Variants in SFXN5 observed in about 807,000 individuals in gnomAD.
SFXN5 encodes the protein sideroflexin-5.
Under a neutral mutation model 50.2 loss-of-function variants are expected in SFXN5, and 43 were observed. The observed-to-expected ratio is 0.86, with a 90% confidence interval of 0.67 to 1.11. SFXN5 has a LOEUF of 1.11. SFXN5 is among the 50% of genes least tolerant of loss of function. SFXN5 has a pLI of 0.00. For synonymous variants in SFXN5, 203 were observed against 185.8 expected (o/e 1.09, Z -0.75); for missense variants, 463 against 454.1 (o/e 1.02, Z -0.18).
chr2:72,964,392 C>A (rs550924231), intron 12 of SFXN5, among the ~76,000 whole-genome samples: 12 of 152,372 alleles, frequency 7.9e-5, no homozygotes, highest in Non-Finnish European at 1.8e-4. Flanking sequence ...GGCACGGACC[C>A]TGCAAAGAGC....
intron 1 of SFXN5, among the ~76,000 whole-genome samples, chr2:73,061,286 C>T (rs1046020606): frequency 4.2e-5 from 6 of 142,776 alleles, no homozygotes; most frequent in African/African-American, 1.3e-4. Context: ...GCAGCCTAGG[C>T]GACAGAGCAA....
chr2:73,071,538 T>G (rs894677437), intron 1 of SFXN5, 66 bp downstream of exon 1: 778 of 1,479,238 alleles, frequency 5.3e-4, no homozygotes, highest in Non-Finnish European at 6.6e-4. Context: ...AAGGGGACTT[T>G]GGAGGGGAGT....
intron 10 of SFXN5, among the ~76,000 whole-genome samples, chr2:72,979,455 G>A (rs1170198329): frequency 2.0e-5 from 3 of 151,992 alleles, no homozygotes; most frequent in East Asian, 1.9e-4. Flanking sequence ...TCAACATGGC[G>A]AAACCCTGTC....
rs912147827 is a variant in SFXN5, at chr2:72,950,916, G to A, written c.946-5817C>T. On this transcript the variant is annotated intron_variant, in intron 13 of 13. Transcript: ENST00000272433. The surrounding 1 kb of genome is among the most constrained non-coding windows in gnomAD (Gnocchi z 4.2). ...GGAGAGAGGACAAGGAGTGGCCATA[G>A]GGAGAAGGGGTGGCCCAGGCCCAGG... Among the ~76,000 whole-genome samples, 1 of 152,218 alleles carries A rather than the reference G, an allele frequency of 6.6e-6. No homozygotes were observed. Among genetic ancestry groups the A allele is most frequent in the Non-Finnish European group, 1.5e-5 (1 of 68,030 alleles).
chr2:73,038,340 C>T (rs1191742768), intron 3 of SFXN5, among the ~76,000 whole-genome samples: 1 of 152,210 alleles, frequency 6.6e-6, no homozygotes, highest in Non-Finnish European at 1.5e-5. Context: ...GCATAGGGCA[C>T]TTACCATGAA....
intron 11 of SFXN5, among the ~76,000 whole-genome samples, chr2:72,969,431 G>A (rs1409756985): frequency 1.3e-5 from 2 of 152,128 alleles, no homozygotes; most frequent in Admixed American, 6.5e-5. Flanking sequence ...GTCTTGCTCT[G>A]TTGCCCAGGC....
chr2:72,947,671 G>A (rs1002336997), intron 13 of SFXN5, among the ~76,000 whole-genome samples: 1 of 152,164 alleles, frequency 6.6e-6, no homozygotes, highest in Non-Finnish European at 1.5e-5. Context: ...GAGCTGGTGG[G>A]CACAGTGGGA....
intron 9 of SFXN5, among the ~76,000 whole-genome samples, chr2:72,989,710 G>A (rs75710368): frequency 0.014 from 2,177 of 152,284 alleles, 43 homozygotes; most frequent in African/African-American, 0.05. Flanking sequence ...GGGCTAGGCA[G>A]AGGAAAAGGA....
intron 1 of SFXN5, among the ~76,000 whole-genome samples, chr2:73,065,236 G>C (rs1455846338): frequency 1.3e-5 from 2 of 152,094 alleles, no homozygotes; most frequent in Non-Finnish European, 2.9e-5. Context: ...AAGTAGCTGG[G>C]ACTACAGGTG....
At chr2:72,980,441 T>G (rs1448327161) in intron 10 of SFXN5, among the ~76,000 whole-genome samples, 1 of 152,242 alleles carries the variant, frequency 6.6e-6, no homozygotes, top group African/African-American at 2.4e-5. Context: ...TAAGGATGCA[T>G]GCCCTCATAT....
chr2:73,049,697 G>C (rs964067090), intron 2 of SFXN5: 3 of 152,136 alleles, frequency 2.0e-5, no homozygotes, highest in African/African-American at 7.2e-5. Flanking sequence ...ACACATTTCA[G>C]CCATAGCATC....
Position 72,971,597 on chromosome 2 carries a change from CA to C in SFXN5, c.713del (p.Val238GlyfsTer17), listed in dbSNP as rs764951975. 3 of 1,614,022 alleles carry C rather than the reference CA, an allele frequency of 1.9e-6. No individual in the cohort carries two copies. The East Asian group carries it at 6.7e-5, about 36-fold the overall frequency. On this transcript the variant is annotated frameshift_variant, in exon 11 of 14. Transcript: ENST00000272433. LOFTEE classifies it high-confidence loss of function. Reference sequence around the variant, plus strand: ...GTCGGGCTGCGATCTTGGAGGAGCCCACGAGGTTGCCATCGCTGTCCAGGAC... The same window carrying C: ...GTCGGGCTGCGATCTTGGAGGAGCCCCGAGGTTGCCATCGCTGTCCAGGAC... ...IDVLDSDGNL[V>X]GSSKIAARHA... is the part of the protein sequence containing the mutation.
At chr2:72,959,448 T>C (rs1673463571) in intron 13 of SFXN5, among the ~76,000 whole-genome samples, 1 of 151,996 alleles carries the variant, frequency 6.6e-6, no homozygotes, top group Non-Finnish European at 1.5e-5. Context: ...CTCAGCCTCC[T>C]CACCTCTCAT....
intron 3 of SFXN5, among the ~76,000 whole-genome samples, chr2:73,037,153 T>C (rs1039639812): frequency 5.3e-5 from 8 of 152,218 alleles, no homozygotes; most frequent in South Asian, 2.1e-4. Context: ...GTGCACCTCC[T>C]TGCCTGGACC....
At chr2:72,987,973 T>C (rs1308545445) in intron 10 of SFXN5, among the ~76,000 whole-genome samples, 3 of 152,204 alleles carry the variant, frequency 2.0e-5, no homozygotes, top group Non-Finnish European at 2.9e-5. Flanking sequence ...ATGTAAATCT[T>C]TTCCCTGACC....
In SFXN5 at chr2:72,944,588, G is replaced by A. The variant is rs1671726464; in HGVS notation, c.*434C>T. On this transcript the variant is annotated 3_prime_UTR_variant, in exon 14 of 14. Coordinates refer to ENST00000272433, the MANE Select transcript of SFXN5 (RefSeq NM_144579.3). ...TGGCCACCAAACCAGCCCAACTCCA[G>A]GCCTAATCTGGCTCGCCTCCACCTG... is the stretch of plus-strand genomic sequence containing the variant. 1 of 165,024 alleles carries A rather than the reference G, an allele frequency of 6.1e-6. No homozygotes were observed. The highest frequency in any genetic ancestry group is 2.4e-5 in the African/African-American group (1 of 41,578). 10.2% of individuals were successfully genotyped at this position (165,024 alleles called of 1,614,324 possible). A position where few individuals can be genotyped will look rare whatever the true frequency, so the allele number is the denominator to read the frequency against.
chr2:73,059,347 G>A (rs1682556118), intron 1 of SFXN5: 1 of 985,320 alleles, frequency 1.0e-6, no homozygotes, highest in African/African-American at 1.7e-5. Context: ...GGGGATGAAG[G>A]GGAAGCTGCA....
At chr2:72,947,816 C>T (rs1672128843) in intron 13 of SFXN5, among the ~76,000 whole-genome samples, 1 of 150,990 alleles carries the variant, frequency 6.6e-6, no homozygotes, top group Non-Finnish European at 1.5e-5. Context: ...CCACCTTCTC[C>T]CACCCCACCC....
intron 1 of SFXN5, among the ~76,000 whole-genome samples, chr2:73,062,345 A>C: frequency 6.6e-6 from 1 of 152,106 alleles, no homozygotes; most frequent in South Asian, 2.1e-4. Context: ...TGGGCTTTGA[A>C]GGGAGGGCAG....
Sources: allele counts gnomAD v4.1 joint callset (sites outside exome capture counted in the v4.1 genomes callset), GRCh38; gene constraint gnomAD v4.1.1; non-coding constraint Gnocchi (gnomAD v3.1); transcripts MANE v1.5; gene names NCBI Gene and HGNC (gene_info 2026-07-23, HGNC 2026-07-21).